TCERG1L: variants seen among roughly 807,000 people sequenced by gnomAD.
TCERG1L encodes transcription elongation regulator 1-like protein.
A neutral mutation model predicts 56.3 loss-of-function variants in TCERG1L; 37 were observed. The ratio of observed to expected loss-of-function variants is 0.66; its 90% confidence interval spans 0.51 to 0.87. The LOEUF is 0.87. Ranked by LOEUF, TCERG1L falls within the 40% of genes least tolerant of loss-of-function variation. The pLI, the probability that TCERG1L is intolerant of heterozygous loss-of-function variation, is 0.00. For missense variants in TCERG1L, 799 were observed against 774.2 expected, an observed-to-expected ratio of 1.03 and a Z score of -0.38; for synonymous variants, 324 against 326.3, an observed-to-expected ratio of 0.99 and a Z score of 0.08.
rs201532194 is a variant in TCERG1L at position 131,172,527 on chromosome 10, C to T, written c.857-5642G>A. ...GAGGAAACTGGGAGGGCTTGGAGTT[C>T]TCGATTGTTGTAGACTACAGCCATT... On this transcript the variant is annotated intron_variant, in intron 4 of 11. Transcript: ENST00000368642. 1.0e-4 allele frequency among the ~76,000 whole-genome samples: 16 copies of T among 152,384 alleles called. No individual in the cohort carries two copies. In the East Asian group the frequency reaches 3.1e-3, roughly 29 times the overall value.
chr10:131,196,300 G>A (rs1845362611), intron 4 of TCERG1L, among the ~76,000 whole-genome samples: 1 of 152,142 alleles, frequency 6.6e-6, no homozygotes, highest in South Asian at 2.1e-4. Flanking sequence ...AATGATCACT[G>A]TCCCTGCTTG....
intron 6 of TCERG1L, among the ~76,000 whole-genome samples, chr10:131,146,959 C>T (rs1166473176): frequency 6.6e-6 from 1 of 152,154 alleles, no homozygotes; most frequent in Non-Finnish European, 1.5e-5. Flanking sequence ...TCTCTCCAGC[C>T]CACCAGCTGT....
chr10:131,279,092 C>T (rs1846425865), intron 3 of TCERG1L, among the ~76,000 whole-genome samples: 1 of 152,206 alleles, frequency 6.6e-6, no homozygotes, highest in South Asian at 2.1e-4. Flanking sequence ...AGCCTCACAG[C>T]TGCGTGTGCC....
intron 4 of TCERG1L, among the ~76,000 whole-genome samples, chr10:131,214,105 C>T (rs1015917311): frequency 1.3e-5 from 2 of 152,204 alleles, no homozygotes; most frequent in Admixed American, 1.3e-4. Context: ...TTTATGAATT[C>T]ACAAGCCCTT....
chr10:131,259,834 G>A (rs903639318), intron 4 of TCERG1L, among the ~76,000 whole-genome samples: 4 of 152,214 alleles, frequency 2.6e-5, no homozygotes, highest in Non-Finnish European at 5.9e-5. Context: ...GGACTGCCTG[G>A]GGGGAGCAGC....
chr10:131,268,237 C>T (rs1846305891), intron 3 of TCERG1L, among the ~76,000 whole-genome samples: 1 of 152,192 alleles, frequency 6.6e-6, no homozygotes, highest in Non-Finnish European at 1.5e-5. Flanking sequence ...AGATGGACTG[C>T]TGCTGCCATT....
intron 4 of TCERG1L, among the ~76,000 whole-genome samples, chr10:131,244,401 C>T (rs928613609): frequency 1.3e-5 from 2 of 152,178 alleles, no homozygotes; most frequent in East Asian, 3.9e-4. Flanking sequence ...ACGTTCAGAA[C>T]AGGCAGCCCT....
At chr10:131,288,875 G>T (rs1846575910) in intron 3 of TCERG1L, among the ~76,000 whole-genome samples, 1 of 152,146 alleles carries the variant, frequency 6.6e-6, no homozygotes, top group Non-Finnish European at 1.5e-5. Flanking sequence ...AGCGCCTCGA[G>T]CGGGAGCCAA....
At chr10:131,220,764 C>T (rs1055670802) in intron 4 of TCERG1L, among the ~76,000 whole-genome samples, 6 of 152,192 alleles carry the variant, frequency 3.9e-5, no homozygotes, top group African/African-American at 1.2e-4. Context: ...TGCAAAGCTG[C>T]CCAAACCCTT....
Position 131,166,103 on chromosome 10 carries a change from G to C in TCERG1L, c.945+694C>G, listed in dbSNP as rs944508259. Among the ~76,000 whole-genome samples the C allele has an allele frequency of 2.6e-4, 40 of 152,122 alleles. 1 individual carries two copies. Among genetic ancestry groups the C allele is most frequent in the Admixed American group, 2.6e-3 (39 of 15,272 alleles). On this transcript the variant is annotated intron_variant, in intron 5 of 11. Transcript: ENST00000368642. ...ATTCAGGAGGAGACGTGAACAACAG[G>C]GTGACTACACCCTGACAGAACTCAG...
At chr10:131,254,043 G>C (rs887136765) in intron 4 of TCERG1L, among the ~76,000 whole-genome samples, 2 of 152,180 alleles carry the variant, frequency 1.3e-5, no homozygotes, top group African/African-American at 4.8e-5. Flanking sequence ...TGCTGGAGCT[G>C]AGGCCTGAAC....
At chr10:131,249,545 C>T (rs529313166) in intron 4 of TCERG1L, among the ~76,000 whole-genome samples, 5 of 152,384 alleles carry the variant, frequency 3.3e-5, no homozygotes, top group Non-Finnish European at 7.3e-5. Context: ...CAAACGCACA[C>T]TGGGGTCCTT....
rs1021594579 is a variant in TCERG1L at position 131,311,476 on chromosome 10, C to G, written c.160G>C (p.Ala54Pro). 2.5e-6 allele frequency: 3 copies of G among 1,187,584 alleles called. No homozygotes were observed. Among genetic ancestry groups the G allele is most frequent in the Admixed American group, 4.5e-5 (1 of 22,136 alleles). 73.6% of individuals were successfully genotyped at this position (1,187,584 alleles called of 1,614,324 possible). Residue 54 changes from alanine to proline, a missense_variant, in exon 1 of 12, where the codon GCG becomes CCG. Transcript: ENST00000368642. This position sits in a 1 kb window ranked among gnomAD's most constrained non-coding sequence, Gnocchi z 4.0. ...PGSAGLLRLSAGVVVPPVLLA... is the reference protein window; with the variant it reads ...PGSAGLLRLSPGVVVPPVLLA... The stretch of plus-strand genomic sequence containing the variant: ...AGCACCGGGGGAACCACGACCCCCG[C>G]GCTGAGCCGGAGCAGCCCGGCCGAG...
rs191707031 is a variant in TCERG1L, at chr10:131,240,788, G to A, written c.856+19471C>T. 4.0e-3 allele frequency among the ~76,000 whole-genome samples: 611 copies of A among 152,330 alleles called. 6 individuals are homozygous for A. The highest frequency in any genetic ancestry group is 5.4e-3 in the Non-Finnish European group (364 of 68,032). On this transcript the variant is annotated intron_variant, in intron 4 of 11. Coordinates refer to ENST00000368642, the MANE Select transcript of TCERG1L (RefSeq NM_174937.4). ...AGAAGGGGAAGGAGGGGGCGCGGAG[G>A]GACGCCTCTCACAGATGAGAGAGAA... is the stretch of plus-strand genomic sequence containing the variant.
Position 131,095,813 on chromosome 10 carries a change from T to A in TCERG1L, c.1604+2493A>T, listed in dbSNP as rs1845239517. On this transcript the variant is annotated intron_variant, in intron 11 of 11. Transcript: ENST00000368642. Reference sequence around the variant, plus strand: ...AACTCTCATTTTAAAAAGAGTCCGTTTAACTCCCTTCTAATTTCTACCACT... The same window carrying A: ...AACTCTCATTTTAAAAAGAGTCCGTATAACTCCCTTCTAATTTCTACCACT... The A allele has an allele frequency of 2.0e-5, 3 of 152,212 alleles. No individual in the cohort carries two copies. The South Asian group carries it at 6.2e-4, about 32-fold the overall frequency. 9.4% of individuals were successfully genotyped at this position (152,212 alleles called of 1,614,324 possible). A position where few individuals can be genotyped will look rare whatever the true frequency, so the allele number is the denominator to read the frequency against.
intron 4 of TCERG1L, among the ~76,000 whole-genome samples, chr10:131,217,538 A>G (rs1845682200): frequency 6.6e-6 from 1 of 152,092 alleles, no homozygotes. Context: ...CTGGTCAGCA[A>G]CAGGGCAGTC....
chr10:131,169,999 T>C (rs1367508848), intron 4 of TCERG1L, among the ~76,000 whole-genome samples: 1 of 152,222 alleles, frequency 6.6e-6, no homozygotes, highest in Non-Finnish European at 1.5e-5. Flanking sequence ...TTGTTCCTCA[T>C]GAGTGCTTCT....
At chr10:131,170,963 T>C (rs1846084655) in intron 4 of TCERG1L, among the ~76,000 whole-genome samples, 1 of 152,120 alleles carries the variant, frequency 6.6e-6, no homozygotes, top group Non-Finnish European at 1.5e-5. Flanking sequence ...CTGGCCAAGA[T>C]GGTGAAACCC....
intron 9 of TCERG1L, among the ~76,000 whole-genome samples, chr10:131,110,022 G>A (rs116197605): frequency 0.015 from 2,299 of 152,288 alleles, 63 homozygotes; most frequent in African/African-American, 0.053. Context: ...TGCAGGTCGC[G>A]TGTGGCACCG....
Sources: gnomAD v4.1 joint callset for allele counts (sites outside exome capture counted in the v4.1 genomes callset) on GRCh38, gnomAD v4.1.1 for gene constraint, Gnocchi (gnomAD v3.1) non-coding constraint, MANE v1.5 for transcripts, NCBI Gene and HGNC (gene_info 2026-07-23, HGNC 2026-07-21) for gene names.